The following NPR1 variants were observed in gnomAD, a reference collection of about 807,000 sequenced individuals.
NPR1 encodes natriuretic peptide receptor 1.
A neutral mutation model predicts 116.9 loss-of-function variants in NPR1; 57 were observed. That is an observed-to-expected ratio of 0.49 (90% CI 0.39 to 0.61). NPR1 has a LOEUF of 0.61. NPR1 is among the 20% of genes least tolerant of loss of function. The pLI is 0.00. For synonymous variants in NPR1, 555 were observed against 601.6 expected (o/e 0.92, Z 1.13); for missense variants, 1,096 against 1,409.8 (o/e 0.78, Z 3.56).
At chr1:153,684,870 GGT>G in intron 7 of NPR1, 92 bp from the exon 8 acceptor site, 1 of 1,497,452 alleles carries the variant, frequency 6.7e-7, no homozygotes, top group Non-Finnish European at 9.2e-7. Context: ...CTGAGTGCAT[GGT>G]GTGGTCCCAC....
chr1:153,686,218 G>T lies in NPR1; in HGVS notation c.1758+18G>T. ...TGAAGCATGTAATGTGGGGAGTGAG[G>T]CAGTGGCATGGAGAAGGGGCCCTCG... On this transcript the variant is annotated intron_variant, in intron 10 of 21. Transcript: ENST00000368680. 1.2e-6 allele frequency: 2 copies of T among 1,612,208 alleles called. No individual in the cohort carries two copies. Among genetic ancestry groups the T allele is most frequent in the Non-Finnish European group, 1.7e-6 (2 of 1,178,364 alleles).
At chr1:153,684,921 C>T in intron 7 of NPR1, 43 bp from the exon 8 acceptor site, 1 of 1,610,302 alleles carries the variant, frequency 6.2e-7, no homozygotes, top group Non-Finnish European at 8.5e-7. Flanking sequence ...TGCCCTGGGT[C>T]AGCGGCTCAG....
At position 153,689,749 on chromosome 1, in the gene NPR1, G is replaced by T; in HGVS notation, c.2758-57G>T. 1 of 1,460,022 alleles carries T rather than the reference G, an allele frequency of 6.8e-7. No homozygotes were observed. Among genetic ancestry groups the T allele is most frequent in the Admixed American group, 2.3e-5 (1 of 43,742 alleles). 90.4% of individuals were successfully genotyped at this position (1,460,022 alleles called of 1,614,324 possible). A position where few individuals can be genotyped will look rare whatever the true frequency, so the allele number is the denominator to read the frequency against. ...CAGACGCTGCACCCGGTGTGACGGT[G>T]TGGCCGGCCGCACAGTTGCAGCCGT... On this transcript the variant is annotated intron_variant, in intron 18 of 21. Coordinates refer to ENST00000368680, the MANE Select transcript of NPR1 (RefSeq NM_000906.4). The surrounding 1 kb of genome is among the most constrained non-coding windows in gnomAD (Gnocchi z 5.1).
chr1:153,679,107 C>A lies in NPR1; in HGVS notation c.-2C>A. 1 of 1,425,312 alleles carries A rather than the reference C, an allele frequency of 7.0e-7. No homozygotes were observed. The highest frequency in any genetic ancestry group is 9.1e-7 in the Non-Finnish European group (1 of 1,101,378). The allele number at this position is 1,425,312 out of a possible 1,614,324, so 88.3% of individuals were successfully genotyped here. A position where few individuals can be genotyped will look rare whatever the true frequency, so the allele number is the denominator to read the frequency against. The stretch of plus-strand genomic sequence containing the variant: ...TCGCCTGCTGCGGTGCCCGCTGAGG[C>A]CATGCCGGGGCCCCGGCGCCCCGCT... On this transcript the variant is annotated 5_prime_UTR_variant, in exon 1 of 22. Transcript: ENST00000368680. The surrounding 1 kb of genome is among the most constrained non-coding windows in gnomAD (Gnocchi z 4.2).
Position 153,678,793 on chromosome 1 carries a change from TTCTCTCTC to T in NPR1, c.-300_-293del, listed in dbSNP as rs72446315. 2.9e-5 allele frequency: 10 copies of T among 343,010 alleles called. No homozygotes were observed. Among genetic ancestry groups the T allele is most frequent in the East Asian group, 9.7e-5 (2 of 20,592 alleles). 21.2% of individuals were successfully genotyped at this position (343,010 alleles called of 1,614,324 possible). ...TTCACGAAGCGCTCACTCGCACCCT[TTCTCTCTC>T]TCTCTCTCTCTCTCTAACACGCACG... On this transcript the variant is annotated 5_prime_UTR_variant, in exon 1 of 22. Coordinates refer to ENST00000368680, the MANE Select transcript of NPR1 (RefSeq NM_000906.4). This position sits in a 1 kb window ranked among gnomAD's most constrained non-coding sequence, Gnocchi z 5.8.
chr1:153,693,505 T>G lies in NPR1; in HGVS notation c.*91T>G, dbSNP rs1359311678. 1 of 1,161,826 alleles carries G rather than the reference T, an allele frequency of 8.6e-7. No individual in the cohort carries two copies. Among genetic ancestry groups the G allele is most frequent in the African/African-American group, 1.5e-5 (1 of 64,832 alleles). The allele number at this position is 1,161,826 out of a possible 1,614,324, so 72.0% of individuals were successfully genotyped here. ...CTCAGCCTCACCCACAGCAGCCCCA[T>G]CGCCAAAGGATGGAAGTAATTTGAA... On this transcript the variant is annotated 3_prime_UTR_variant, in exon 22 of 22. Transcript: ENST00000368680.
intron 8 of NPR1, 127 bp from the exon 9 acceptor site, chr1:153,685,679 A>C: frequency 1.3e-6 from 1 of 741,698 alleles, no homozygotes; most frequent in Non-Finnish European, 2.3e-6. Flanking sequence ...AAAACCCAAC[A>C]ACAAAAAGGA....
Position 153,689,299 on chromosome 1 carries a change from C to G in NPR1, c.2676C>G (p.Ser892Arg). ...IVGFTALSAE[S>R]TPMQVVTLLN... ...GTTTCACAGCGCTGTCGGCGGAGAGCACACCCATGCAGGTAGGCCAGGGTT... is the reference window on the plus strand; with the variant it reads ...GTTTCACAGCGCTGTCGGCGGAGAGGACACCCATGCAGGTAGGCCAGGGTT... Residue 892 changes from serine to arginine, a missense_variant, in exon 17 of 22, where the codon AGC (serine) becomes AGG (arginine). Ser to Arg is a moderately radical substitution (Grantham distance 110, BLOSUM62 -1). Transcript: ENST00000368680. The surrounding 1 kb of genome is among the most constrained non-coding windows in gnomAD (Gnocchi z 5.1). 6.2e-7 allele frequency: 1 copy of G among 1,614,218 alleles called. No homozygotes were observed. The highest frequency in any genetic ancestry group is 8.5e-7 in the Non-Finnish European group (1 of 1,180,036).
Position 153,678,962 on chromosome 1 carries a change from G to A in NPR1, c.-147G>A, listed in dbSNP as rs1669676316. ...GGCCCAGACCGTCGCAGCTACAGGGGGCCTCGAGCCCCGGGGTGAGCGTCC... is the reference window on the plus strand; with the variant it reads ...GGCCCAGACCGTCGCAGCTACAGGGAGCCTCGAGCCCCGGGGTGAGCGTCC... On this transcript the variant is annotated 5_prime_UTR_variant, in exon 1 of 22. Coordinates refer to ENST00000368680, the MANE Select transcript of NPR1 (RefSeq NM_000906.4). This position sits in a 1 kb window ranked among gnomAD's most constrained non-coding sequence, Gnocchi z 5.8. 9.4e-7 allele frequency: 1 copy of A among 1,068,050 alleles called. No homozygotes were observed. The highest frequency in any genetic ancestry group is 2.2e-5 in the South Asian group (1 of 45,732). 66.2% of individuals were successfully genotyped at this position (1,068,050 alleles called of 1,614,324 possible). A position where few individuals can be genotyped will look rare whatever the true frequency, so the allele number is the denominator to read the frequency against.
intron 20 of NPR1, among the ~76,000 whole-genome samples, chr1:153,691,896 AAAG>A (rs1670117866): frequency 6.6e-6 from 1 of 151,990 alleles, no homozygotes; most frequent in South Asian, 2.1e-4. Flanking sequence ...CAAAAAAAAA[AAAG>A]AGAGAAAGAA....
At position 153,689,364 on chromosome 1, in the gene NPR1, C is replaced by A; in HGVS notation, c.2688+53C>A. On this transcript the variant is annotated intron_variant, in intron 17 of 21. Transcript: ENST00000368680. This position sits in a 1 kb window ranked among gnomAD's most constrained non-coding sequence, Gnocchi z 5.1. ...AGGCAAGCTCAGCATCTGGATCCCA[C>A]CAGACCTGCCTTCTGGTTCTGCTTT... The A allele has an allele frequency of 6.2e-7, 1 of 1,614,068 alleles. No homozygotes were observed. Among genetic ancestry groups the A allele is most frequent in the Non-Finnish European group, 8.5e-7 (1 of 1,179,956 alleles).
At chr1:153,691,626 G>A (rs554135891) in intron 20 of NPR1, among the ~76,000 whole-genome samples, 39 of 152,234 alleles carry the variant, frequency 2.6e-4, no homozygotes, top group African/African-American at 7.2e-4. Flanking sequence ...CATTCTGGGC[G>A]CTGGGGGTGC....
At position 153,678,793 on chromosome 1, in the gene NPR1, TTC is replaced by T. The variant is rs72446315; in HGVS notation, c.-294_-293del. ...TTCACGAAGCGCTCACTCGCACCCT[TTC>T]TCTCTCTCTCTCTCTCTCTCTAACA... On this transcript the variant is annotated 5_prime_UTR_variant, in exon 1 of 22. Coordinates refer to ENST00000368680, the MANE Select transcript of NPR1 (RefSeq NM_000906.4). This position sits in a 1 kb window ranked among gnomAD's most constrained non-coding sequence, Gnocchi z 5.8. The T allele has an allele frequency of 0.43, 142,045 of 334,078 alleles. 16,835 individuals are homozygous for T. The highest frequency in any genetic ancestry group is 0.56 in the East Asian group (11,286 of 20,254). The allele number at this position is 334,078 out of a possible 1,614,324, so 20.7% of individuals were successfully genotyped here. A position where few individuals can be genotyped will look rare whatever the true frequency, so the allele number is the denominator to read the frequency against.
At chr1:153,692,635 C>T (rs1670140599) in intron 20 of NPR1, among the ~76,000 whole-genome samples, 1 of 151,976 alleles carries the variant, frequency 6.6e-6, no homozygotes, top group South Asian at 2.1e-4. Context: ...GCCTCAGCCT[C>T]CCAAGTAGCT....
At chr1:153,687,120 G>T (rs1211061569) in intron 12 of NPR1, 33 bp downstream of exon 12, 1 of 1,613,354 alleles carries the variant, frequency 6.2e-7, no homozygotes, top group African/African-American at 1.3e-5. Context: ...GATGTGTAGA[G>T]CAGGGGCCAG....
At chr1:153,688,689 C>T in intron 15 of NPR1, 1 of 526,734 alleles carries the variant, frequency 1.9e-6, no homozygotes, top group African/African-American at 1.9e-5. Context: ...CCTCCTTTAC[C>T]TCCTTCTAAC....
At chr1:153,683,131 G>A (rs923922340) in intron 5 of NPR1, among the ~76,000 whole-genome samples, 5 of 151,374 alleles carry the variant, frequency 3.3e-5, no homozygotes, top group Admixed American at 2.0e-4. Flanking sequence ...TGTAGAGATC[G>A]GGTTCTAAAT....
At chr1:153,692,770 C>T (rs1670142939) in intron 20 of NPR1, among the ~76,000 whole-genome samples, 1 of 152,158 alleles carries the variant, frequency 6.6e-6, no homozygotes, top group South Asian at 2.1e-4. Context: ...GCCTCAGCCT[C>T]CCAAAGTGCT....
intron 3 of NPR1, 154 bp downstream of exon 3, chr1:153,681,447 G>T: frequency 1.6e-6 from 1 of 643,110 alleles, no homozygotes; most frequent in Non-Finnish European, 2.7e-6. Flanking sequence ...GAGGACACTG[G>T]CAAGTTCAGC....
Sources: gnomAD v4.1 joint callset for allele counts (sites outside exome capture counted in the v4.1 genomes callset) on GRCh38, gnomAD v4.1.1 for gene constraint, Gnocchi (gnomAD v3.1) non-coding constraint, MANE v1.5 for transcripts, NCBI Gene and HGNC (gene_info 2026-07-23, HGNC 2026-07-21) for gene names.